Variants in ARB2A observed in about 807,000 individuals in gnomAD.
ARB2A encodes the protein ARB2 cotranscriptional regulator A, also known as cotranscriptional regulator ARB2A.
the ARB2A span, among the ~76,000 whole-genome samples, chr5:93,973,409 A>G: frequency 6.6e-6 from 1 of 152,154 alleles, no homozygotes; most frequent in Non-Finnish European, 1.5e-5. Context: ...CCTTCAAGAA[A>G]TATGGGATTA....
At chr5:93,888,579 T>C in the ARB2A span, among the ~76,000 whole-genome samples, 2 of 151,802 alleles carry the variant, frequency 1.3e-5, no homozygotes, top group African/African-American at 4.8e-5. Context: ...TATTATAAAG[T>C]TGTGTAAATA....
At chr5:94,028,868 A>C in the ARB2A span, among the ~76,000 whole-genome samples, 3 of 152,164 alleles carry the variant, frequency 2.0e-5, no homozygotes, top group African/African-American at 7.2e-5. Context: ...CTACATAACC[A>C]TAATACCGTT....
chr5:93,621,332 C>T, the ARB2A span, among the ~76,000 whole-genome samples: 74 of 151,948 alleles, frequency 4.9e-4, no homozygotes, highest in Non-Finnish European at 1.0e-4. Context: ...CCAGCCGACT[C>T]CCAGGGCACA....
the ARB2A span, among the ~76,000 whole-genome samples, chr5:93,676,657 A>T: frequency 6.6e-6 from 1 of 152,236 alleles, no homozygotes; most frequent in African/African-American, 2.4e-5. Flanking sequence ...AGATAAAATG[A>T]ACTCCTAAGA....
the ARB2A span, among the ~76,000 whole-genome samples, chr5:93,647,900 T>C: frequency 6.6e-6 from 1 of 152,120 alleles, no homozygotes; most frequent in South Asian, 2.1e-4. Flanking sequence ...CCCAGCACTT[T>C]GGGTGGCTGA....
the ARB2A span, among the ~76,000 whole-genome samples, chr5:93,714,975 T>C: frequency 1.3e-5 from 2 of 152,292 alleles, no homozygotes; most frequent in African/African-American, 4.8e-5. Context: ...CATCAAGAAT[T>C]CCTGTTTTAC....
the ARB2A span, among the ~76,000 whole-genome samples, chr5:93,641,179 G>C: frequency 1.6e-4 from 24 of 149,850 alleles, no homozygotes; most frequent in Non-Finnish European, 7.4e-5. Flanking sequence ...CAGCCTGGGT[G>C]ACAGAGGGAG....
chr5:93,810,890 GGTTA>G, the ARB2A span, among the ~76,000 whole-genome samples: 2 of 151,944 alleles, frequency 1.3e-5, no homozygotes, highest in African/African-American at 2.4e-5. Context: ...TATTTCTGTG[GGTTA>G]GTTTCCTCAT....
At chr5:93,797,545 G>A in the ARB2A span, among the ~76,000 whole-genome samples, 1 of 152,002 alleles carries the variant, frequency 6.6e-6, no homozygotes, top group African/African-American at 2.4e-5. Flanking sequence ...CTATAAAATG[G>A]CAAATATATA....
chr5:93,777,274 A>G, the ARB2A span, among the ~76,000 whole-genome samples: 1 of 151,846 alleles, frequency 6.6e-6, no homozygotes, highest in Non-Finnish European at 1.5e-5. Context: ...TAACCTGCAC[A>G]TTGTGCACAT....
the ARB2A span, among the ~76,000 whole-genome samples, chr5:93,957,650 T>A: frequency 1.3e-5 from 2 of 152,012 alleles, no homozygotes; most frequent in African/African-American, 2.4e-5. Flanking sequence ...AAAAAAAACA[T>A]ATAGTTAACC....
At chr5:93,826,062 C>T in the ARB2A span, among the ~76,000 whole-genome samples, 2 of 152,012 alleles carry the variant, frequency 1.3e-5, no homozygotes, top group Non-Finnish European at 2.9e-5. Flanking sequence ...ATGTATGTCA[C>T]TTAAGTTGCA....
At chr5:94,060,679 G>A in the ARB2A span, among the ~76,000 whole-genome samples, 1 of 152,168 alleles carries the variant, frequency 6.6e-6, no homozygotes, top group East Asian at 1.9e-4. Flanking sequence ...GTATTACCCT[G>A]ATAACAATTC....
At chr5:93,698,792 T>C in the ARB2A span, among the ~76,000 whole-genome samples, 1 of 152,196 alleles carries the variant, frequency 6.6e-6, no homozygotes, top group Non-Finnish European at 1.5e-5. Flanking sequence ...GAAGCAATAA[T>C]GATTATAAGA....
the ARB2A span, among the ~76,000 whole-genome samples, chr5:93,702,266 C>T: frequency 1.3e-5 from 2 of 152,118 alleles, no homozygotes; most frequent in Non-Finnish European, 1.5e-5. Context: ...CCTAGCAATG[C>T]TCTCATTTTA....
At chr5:93,752,563 AT>A in the ARB2A span, among the ~76,000 whole-genome samples, 1 of 151,918 alleles carries the variant, frequency 6.6e-6, no homozygotes, top group South Asian at 2.1e-4. Flanking sequence ...GCTATTTTTA[AT>A]TTTTTTTAAG....
the ARB2A span, among the ~76,000 whole-genome samples, chr5:93,706,945 T>C: frequency 3.9e-5 from 6 of 152,116 alleles, no homozygotes; most frequent in Non-Finnish European, 5.9e-5. Flanking sequence ...ATGAAATCAA[T>C]TTCTACTGAA....
chr5:93,842,510 AG>A, the ARB2A span, among the ~76,000 whole-genome samples: 1 of 152,190 alleles, frequency 6.6e-6, no homozygotes, highest in Non-Finnish European at 1.5e-5. Flanking sequence ...CTATGGTAAA[AG>A]ATTTTTTTTA....
At chr5:93,629,616 C>T in the ARB2A span, among the ~76,000 whole-genome samples, 2 of 152,242 alleles carry the variant, frequency 1.3e-5, no homozygotes, top group East Asian at 3.9e-4. Context: ...GAAAGATCAT[C>T]TTTTATATCT....
Sources: gnomAD v4.1 joint callset for allele counts (sites outside exome capture counted in the v4.1 genomes callset) on GRCh38, gnomAD v4.1.1 for gene constraint, MANE v1.5 for transcripts, NCBI Gene and HGNC (gene_info 2026-07-23, HGNC 2026-07-21) for gene names.